Variants in KCNQ2 observed in about 807,000 individuals in gnomAD.
KCNQ2 encodes potassium voltage-gated channel subfamily Q member 2.
A neutral mutation model predicts 84.8 loss-of-function variants in KCNQ2; 14 were observed. The observed-to-expected ratio is 0.17, with a 90% CI of 0.11 to 0.26. The LOEUF (loss-of-function observed/expected upper bound fraction) is 0.26. Ranked by LOEUF, KCNQ2 falls within the 10% of genes least tolerant of loss-of-function variation. The probability of loss-of-function intolerance (pLI) is 1.00; values close to 1 mark genes in which losing one functional copy is unlikely to be tolerated. For missense variants in KCNQ2, 788 were observed against 1,254.0 expected (o/e 0.63, Z 5.61); for synonymous variants, 599 against 554.1 (o/e 1.08, Z -1.14).
intron 7 of KCNQ2, among the ~76,000 whole-genome samples, chr20:63,436,766 T>C (rs1290115932): frequency 6.8e-6 from 1 of 146,582 alleles, no homozygotes; most frequent in Non-Finnish European, 1.5e-5. Flanking sequence ...TGGCATGGTA[T>C]AAACATAACT....
intron 8 of KCNQ2, among the ~76,000 whole-genome samples, chr20:63,431,936 CT>C (rs2080802275): frequency 2.8e-5 from 3 of 108,674 alleles, no homozygotes; most frequent in South Asian, 3.1e-4. Context: ...TCAGGGAAGG[CT>C]CCACCCTCAG....
At chr20:63,470,880 G>A (rs2082198912) in intron 1 of KCNQ2, 1 of 152,196 alleles carries the variant, frequency 6.6e-6, no homozygotes, top group Admixed American at 6.5e-5. Context: ...GGGGGCCACA[G>A]GGCTTCCAGG....
At chr20:63,458,411 G>A (rs966806651) in intron 1 of KCNQ2, among the ~76,000 whole-genome samples, 12 of 152,078 alleles carry the variant, frequency 7.9e-5, no homozygotes, top group African/African-American at 1.9e-4. Context: ...CTCGGCAAAC[G>A]CCGTCCCTGC....
chr20:63,467,840 C>T (rs1053961269), intron 1 of KCNQ2, among the ~76,000 whole-genome samples: 4 of 152,248 alleles, frequency 2.6e-5, no homozygotes, highest in Middle Eastern at 3.4e-3. Context: ...ATCCTTAGTG[C>T]CCAGCAGTGC....
At chr20:63,455,004 G>A (rs932194955) in intron 1 of KCNQ2, among the ~76,000 whole-genome samples, 2 of 152,200 alleles carry the variant, frequency 1.3e-5, no homozygotes, top group African/African-American at 2.4e-5. Context: ...CTGAGGTCTC[G>A]CTGGCTCGGC....
chr20:63,442,917 TCAC>T (rs1568935180), intron 4 of KCNQ2, among the ~76,000 whole-genome samples: 22 of 6,448 alleles, frequency 3.4e-3, no homozygotes, highest in African/African-American at 8.4e-3. Context: ...ACCATCACCA[TCAC>T]CACCATCACC....
Position 63,425,847 on chromosome 20 carries a change from C to T in KCNQ2, c.1218-1641G>A, listed in dbSNP as rs961352965. ...GCGCCAACCTGGGGCTAAAGTCCTC[C>T]ATGCATGGGCTTGTGAACTAGAAAA... On this transcript the variant is annotated intron_variant, in intron 10 of 16. Coordinates refer to ENST00000359125, the MANE Select transcript of KCNQ2 (RefSeq NM_172107.4). The surrounding 1 kb of genome is among the most constrained non-coding windows in gnomAD (Gnocchi z 5.5). 2.9e-4 allele frequency among the ~76,000 whole-genome samples: 44 copies of T among 152,234 alleles called. No individual in the cohort carries two copies. Among genetic ancestry groups the T allele is most frequent in the Non-Finnish European group, 1.2e-4 (8 of 68,048 alleles).
chr20:63,446,668 C>T lies in KCNQ2; in HGVS notation c.387+79G>A. 8.1e-7 allele frequency: 1 copy of T among 1,233,358 alleles called. No homozygotes were observed. The highest frequency in any genetic ancestry group is 1.2e-6 in the Non-Finnish European group (1 of 836,158). 76.4% of individuals were successfully genotyped at this position (1,233,358 alleles called of 1,614,324 possible). A position where few individuals can be genotyped will look rare whatever the true frequency, so the allele number is the denominator to read the frequency against. On this transcript the variant is annotated intron_variant, in intron 2 of 16. Coordinates refer to ENST00000359125, the MANE Select transcript of KCNQ2 (RefSeq NM_172107.4). The surrounding 1 kb of genome is among the most constrained non-coding windows in gnomAD (Gnocchi z 5.5). ...GGGGGCGTCAGAGGCCCTGTAGTAA[C>T]AGGAACGGAAGACAGACGCCCAGGC...
At chr20:63,451,258 C>T (rs78298670) in intron 1 of KCNQ2, among the ~76,000 whole-genome samples, 128 of 152,296 alleles carry the variant, frequency 8.4e-4, no homozygotes, top group Non-Finnish European at 1.3e-3. Flanking sequence ...TCTTCACCGC[C>T]GCTGTCTCAC....
chr20:63,419,367 G>C (rs760545324), intron 12 of KCNQ2, among the ~76,000 whole-genome samples: 1 of 152,252 alleles, frequency 6.6e-6, no homozygotes, highest in Non-Finnish European at 1.5e-5. Flanking sequence ...CAGAGCCCCT[G>C]GCTGGCCCCT....
chr20:63,465,267 G>A (rs1209085771), intron 1 of KCNQ2, among the ~76,000 whole-genome samples: 2 of 152,218 alleles, frequency 1.3e-5, no homozygotes, highest in Non-Finnish European at 2.9e-5. Context: ...CCAGACTCCA[G>A]ACCAACCTAT....
At chr20:63,421,418 G>C (rs1029305307) in intron 11 of KCNQ2, among the ~76,000 whole-genome samples, 14 of 152,186 alleles carry the variant, frequency 9.2e-5, no homozygotes, top group Non-Finnish European at 1.3e-4. Flanking sequence ...TGCAGGCACA[G>C]CCCCCCAAGA....
chr20:63,429,421 C>T lies in KCNQ2; in HGVS notation c.1149-986G>A, dbSNP rs1320399916. On this transcript the variant is annotated intron_variant, in intron 9 of 16. Coordinates refer to ENST00000359125, the MANE Select transcript of KCNQ2 (RefSeq NM_172107.4). ...GGGCCACGTCCTGGTCTCTCCTCTG[C>T]GTTGGAGGCAGGACGGCCACCTCCC... Among the ~76,000 whole-genome samples, 5 of 152,240 alleles carry T rather than the reference C, an allele frequency of 3.3e-5. No homozygotes were observed. In the South Asian group the frequency reaches 6.2e-4, roughly 19 times the overall value.
At position 63,408,541 on chromosome 20, in the gene KCNQ2, C is replaced by G; in HGVS notation, c.1764-5G>C. ...CGCCCCACGATCTGGTCCACTCTACCGGGAACAGAGACCCCAAAGCATGAG... is the reference window on the plus strand; with the variant it reads ...CGCCCCACGATCTGGTCCACTCTACGGGGAACAGAGACCCCAAAGCATGAG... On this transcript the variant is annotated splice_polypyrimidine_tract_variant and splice_region_variant and intron_variant, in intron 15 of 16. Coordinates refer to ENST00000359125, the MANE Select transcript of KCNQ2 (RefSeq NM_172107.4). The surrounding 1 kb of genome is among the most constrained non-coding windows in gnomAD (Gnocchi z 5.0). The G allele has an allele frequency of 1.2e-6, 2 of 1,610,542 alleles. No homozygotes were observed. The highest frequency in any genetic ancestry group is 8.5e-7 in the Non-Finnish European group (1 of 1,179,248).
rs764444302 is a variant in KCNQ2, at chr20:63,407,211, G to A, written c.2052C>T (p.Gly684=). ...EDSREHVDRH[G]CIVKIVRSSS... is the part of the protein sequence containing the mutation. ...TGGAGCGCACGATCTTGACAATGCA[G>A]CCGTGCCTGTCGACATGCTCCCGGC... The change falls in exon 17 of 17, where the codon GGC becomes GGT. Residue 684 remains glycine (G), a synonymous_variant. Coordinates refer to ENST00000359125, the MANE Select transcript of KCNQ2 (RefSeq NM_172107.4). The surrounding 1 kb of genome is among the most constrained non-coding windows in gnomAD (Gnocchi z 7.2). 1.1e-5 allele frequency: 17 copies of A among 1,605,296 alleles called. No individual in the cohort carries two copies. The highest frequency in any genetic ancestry group is 1.7e-5 in the Admixed American group (1 of 59,954).
At chr20:63,434,280 A>T in intron 7 of KCNQ2, 1 of 241,404 alleles carries the variant, frequency 4.1e-6, no homozygotes, top group Non-Finnish European at 7.9e-6. Flanking sequence ...GCCCTGGGCA[A>T]CCTGAGGCGC....
At position 63,406,755 on chromosome 20, in the gene KCNQ2, C is replaced by T; in HGVS notation, c.2508G>A (p.Glu836=). The T allele has an allele frequency of 1.2e-6, 2 of 1,612,290 alleles. No homozygotes were observed. ...PCAKVRPYIA[E]GESDTDSDLC... is the part of the protein sequence containing the mutation. ...GGTCGGAGTCGGTGTCTGACTCTCC[C>T]TCCGCAATGTAGGGCCTGACTTTGG... Residue 836 remains glutamate, a synonymous_variant, in exon 17 of 17, where the codon GAG becomes GAA. Transcript: ENST00000359125.
Position 63,447,264 on chromosome 20 carries a change from C to T in KCNQ2, c.297-427G>A, listed in dbSNP as rs112557344. On this transcript the variant is annotated intron_variant, in intron 1 of 16. Transcript: ENST00000359125. ...GCAAAACCCCTGGGGCAGAAGGCAC[C>T]GATCAGCCTTCCCCTCTCCTCACTC... 896 of 238,308 alleles carry T rather than the reference C, an allele frequency of 3.8e-3. 12 individuals carry two copies. The highest frequency in any genetic ancestry group is 0.018 in the African/African-American group (793 of 44,798). 14.8% of individuals were successfully genotyped at this position (238,308 alleles called of 1,614,324 possible). A position where few individuals can be genotyped will look rare whatever the true frequency, so the allele number is the denominator to read the frequency against.
At chr20:63,454,357 G>A (rs1297273312) in intron 1 of KCNQ2, among the ~76,000 whole-genome samples, 6 of 152,222 alleles carry the variant, frequency 3.9e-5, no homozygotes, top group Non-Finnish European at 8.8e-5. Context: ...TGGAACAGAT[G>A]GCACAGATGG....
Sources: allele counts gnomAD v4.1 joint callset (sites outside exome capture counted in the v4.1 genomes callset), GRCh38; gene constraint gnomAD v4.1.1; non-coding constraint Gnocchi (gnomAD v3.1); transcripts MANE v1.5; gene names NCBI Gene and HGNC (gene_info 2026-07-23, HGNC 2026-07-21).